The following PRP4K variants were observed in gnomAD, a reference collection of about 807,000 sequenced individuals.
PRP4K encodes the protein pre-mRNA processing factor kinase PRP4K, also known as serine/threonine-protein kinase PRP4 homolog.
chr6:4,028,653 C>T, the PRP4K span, among the ~76,000 whole-genome samples: 1 of 152,206 alleles, frequency 6.6e-6, no homozygotes, highest in Non-Finnish European at 1.5e-5. Flanking sequence ...TGACTTTCAC[C>T]AGAGGACGTA....
At chr6:4,055,553 G>A in the PRP4K span, among the ~76,000 whole-genome samples, 1 of 152,282 alleles carries the variant, frequency 6.6e-6, no homozygotes, top group African/African-American at 2.4e-5. Context: ...TCTTTTGAAG[G>A]GGGGAAGGGA....
the PRP4K span, chr6:4,032,483 A>G: frequency 6.2e-7 from 1 of 1,614,182 alleles, no homozygotes; most frequent in Non-Finnish European, 8.5e-7. Flanking sequence ...CTGATAAAGA[A>G]AAGAAGCCAA....
At chr6:4,038,675 A>G in the PRP4K span, among the ~76,000 whole-genome samples, 2 of 152,072 alleles carry the variant, frequency 1.3e-5, no homozygotes, top group Middle Eastern at 3.4e-3. Context: ...GTATGTATTC[A>G]TTGCTGAGCA....
chr6:4,051,940 T>A, the PRP4K span: 1 of 1,466,116 alleles, frequency 6.8e-7, no homozygotes, highest in Non-Finnish European at 9.2e-7. Flanking sequence ...TTACCCCAAT[T>A]TTTTTTTTTA....
the PRP4K span, chr6:4,062,451 G>A: frequency 6.6e-6 from 1 of 152,554 alleles, no homozygotes; most frequent in Non-Finnish European, 1.5e-5. The surrounding 1 kb of genome is among the most constrained non-coding windows in gnomAD (Gnocchi z 4.2). Context: ...TGCTGTTTGG[G>A]GGGTAAAATT....
the PRP4K span, among the ~76,000 whole-genome samples, chr6:4,053,868 A>G: frequency 1.3e-5 from 2 of 151,748 alleles, no homozygotes; most frequent in Non-Finnish European, 2.9e-5. Flanking sequence ...TTGGAGCTAT[A>G]ACAAAATAAA....
chr6:4,023,716 G>A, the PRP4K span, among the ~76,000 whole-genome samples: 106,564 of 151,926 alleles, frequency 0.7, 37,455 homozygotes, highest in East Asian at 0.77. Flanking sequence ...AATTCTTTTT[G>A]TTCATTTTAT....
chr6:4,042,375 T>C, the PRP4K span: 2 of 774,410 alleles, frequency 2.6e-6, no homozygotes, highest in Non-Finnish European at 4.2e-6. Context: ...GTAATAGGAC[T>C]TAAGACTTTT....
chr6:4,049,768 A>T, the PRP4K span: 4 of 1,613,368 alleles, frequency 2.5e-6, no homozygotes, highest in Non-Finnish European at 3.4e-6. Flanking sequence ...AAACGTTACA[A>T]TGTGTATGGC....
the PRP4K span, chr6:4,052,223 T>G: frequency 9.7e-7 from 1 of 1,033,030 alleles, no homozygotes; most frequent in Non-Finnish European, 1.3e-6. Context: ...CTCTGGTTTT[T>G]GTTTTTAACT....
At chr6:4,047,153 A>G in the PRP4K span, 1 of 1,577,654 alleles carries the variant, frequency 6.3e-7, no homozygotes, top group Non-Finnish European at 8.7e-7. Flanking sequence ...CTTTTCAAAC[A>G]TTAATGCTAA....
the PRP4K span, chr6:4,037,609 A>G: frequency 1.2e-5 from 19 of 1,580,416 alleles, no homozygotes; most frequent in Non-Finnish European, 1.6e-5. Context: ...TAAACTCTGA[A>G]TGTTTTTGAA....
chr6:4,029,671 C>A, the PRP4K span, among the ~76,000 whole-genome samples: 1 of 151,890 alleles, frequency 6.6e-6, no homozygotes, highest in African/African-American at 2.4e-5. Flanking sequence ...ATTTTTTAAT[C>A]CCTGTCCTTT....
At chr6:4,058,213 A>C in the PRP4K span, among the ~76,000 whole-genome samples, 4 of 152,166 alleles carry the variant, frequency 2.6e-5, no homozygotes, top group Non-Finnish European at 4.4e-5. Flanking sequence ...ATGGAGTTTC[A>C]CTATGTTGAC....
the PRP4K span, among the ~76,000 whole-genome samples, chr6:4,039,832 C>T: frequency 1.3e-4 from 19 of 146,394 alleles, no homozygotes; most frequent in African/African-American, 4.8e-4. Context: ...TCCTCCCCTC[C>T]CCACCCCACC....
At chr6:4,057,338 C>T in the PRP4K span, 5 of 800,370 alleles carry the variant, frequency 6.2e-6, no homozygotes, top group East Asian at 2.8e-5. Flanking sequence ...TTTCCCTTTT[C>T]TGGTGTTTTA....
the PRP4K span, among the ~76,000 whole-genome samples, chr6:4,037,124 T>A: frequency 1.3e-5 from 2 of 152,166 alleles, no homozygotes; most frequent in African/African-American, 4.8e-5. Context: ...AGTTGGTTTA[T>A]TTGAAATTAG....
the PRP4K span, among the ~76,000 whole-genome samples, chr6:4,054,451 G>A: frequency 9.8e-6 from 1 of 101,850 alleles, no homozygotes; most frequent in Non-Finnish European, 2.4e-5. Flanking sequence ...TCATTGAAAT[G>A]GTAGGTACAT....
At chr6:4,029,188 T>G in the PRP4K span, among the ~76,000 whole-genome samples, 6 of 151,582 alleles carry the variant, frequency 4.0e-5, 1 homozygote, top group East Asian at 5.8e-4. Context: ...CTGGCTCCAC[T>G]TGGAATCTTT....
Sources: gnomAD v4.1 joint callset for allele counts (sites outside exome capture counted in the v4.1 genomes callset) on GRCh38, gnomAD v4.1.1 for gene constraint, Gnocchi (gnomAD v3.1) non-coding constraint, MANE v1.5 for transcripts, NCBI Gene and HGNC (gene_info 2026-07-23, HGNC 2026-07-21) for gene names.